TTN: variants seen among roughly 807,000 people sequenced by gnomAD.
TTN encodes connectin.
TTN carries 1,525 observed loss-of-function variants against 3,223.0 expected under a neutral mutation model. The observed-to-expected ratio is 0.47, with a 90% CI of 0.45 to 0.49. TTN has a LOEUF of 0.49. TTN is among the 20% of genes least tolerant of loss of function. The probability of loss-of-function intolerance (pLI) is 0.00; values close to 1 mark genes in which losing one functional copy is unlikely to be tolerated. For missense variants in TTN, 40,786 were observed against 43,424.0 expected (o/e 0.94, Z 5.40); for synonymous variants, 14,094 against 15,161.0 (o/e 0.93, Z 5.17).
In TTN at chr2:178,531,773, T is replaced by C. The variant is rs1313337141; in HGVS notation, c.104842A>G (p.Met34948Val). The C allele has an allele frequency of 7.4e-6, 12 of 1,614,020 alleles. No individual in the cohort carries two copies. The highest frequency in any genetic ancestry group is 1.0e-5 in the Non-Finnish European group (12 of 1,179,876). Residue 34948 changes from methionine (M) to valine (V), a missense_variant, in exon 358 of 363, where the codon ATG becomes GTG. Transcript: ENST00000589042. Reference sequence around the variant, plus strand: ...CCACATGGTACCCTGTGCGAGCGCATTCTCAGTGTGATTCGAGGGGCATGG... The same window carrying C: ...CCACATGGTACCCTGTGCGAGCGCACTCTCAGTGTGATTCGAGGGGCATGG... ...LDHAPRITLR[M>V]RSHRVPCGQN... is the part of the protein sequence containing the mutation.
intron 3 of TTN, among the ~76,000 whole-genome samples, chr2:178,800,977 T>G (rs76131138): frequency 0.011 from 1,629 of 152,336 alleles, 30 homozygotes; most frequent in African/African-American, 0.037. Context: ...TGTTATAACA[T>G]TTCTTGAGAA....
intron 356 of TTN, 168 bp from the exon 357 acceptor site, chr2:178,536,743 T>TTTTTA: frequency 3.8e-6 from 3 of 799,328 alleles, no homozygotes; most frequent in Non-Finnish European, 5.5e-6. Flanking sequence ...AAACCAAAGT[T>TTTTTA]CTATTTTTAC....
intron 356 of TTN, 42 bp downstream of exon 356, chr2:178,536,896 G>T: frequency 2.0e-6 from 3 of 1,492,036 alleles, no homozygotes; most frequent in Non-Finnish European, 2.7e-6. Context: ...TGCAAAGATG[G>T]AACTTTACCA....
chr2:178,543,131 T>A lies in TTN; in HGVS notation c.96842A>T (p.Asn32281Ile). The A allele has an allele frequency of 2.5e-6, 4 of 1,611,850 alleles. No individual in the cohort carries two copies. Among genetic ancestry groups the A allele is most frequent in the Non-Finnish European group, 3.4e-6 (4 of 1,178,256 alleles). ...TCTTGGTTCTGACACACCTTTCTCA[T>A]TTTGTGCCCTTATTCTAAATAAGTA... The part of the protein sequence containing the change: ...EQYLFRIRAQ[N>I]EKGVSEPRET... The change falls in exon 347 of 363, where the codon AAT becomes ATT. Residue 32281 changes from asparagine (N) to isoleucine (I), a missense_variant. Transcript: ENST00000589042.
In TTN at chr2:178,542,452, T is replaced by C. The variant is rs1248603103; in HGVS notation, c.97304A>G (p.Tyr32435Cys). The C allele has an allele frequency of 1.2e-6, 2 of 1,613,588 alleles. No individual in the cohort carries two copies. Among genetic ancestry groups the C allele is most frequent in the Admixed American group, 1.7e-5 (1 of 59,990 alleles). The change falls in exon 349 of 363, where the codon TAT becomes TGT. Residue 32435 changes from tyrosine (Y) to cysteine (C), a missense_variant. Transcript: ENST00000589042. ...ELDGGAPLSG[Y>C]VVEQRDAHRP... Reference sequence around the variant, plus strand: ...ATGAGCGTCACGTTGTTCTACCACATAACCACTCAGTGGAGCACCACCGTC... The same window carrying C: ...ATGAGCGTCACGTTGTTCTACCACACAACCACTCAGTGGAGCACCACCGTC...
At position 178,621,824 on chromosome 2, in the gene TTN, A is replaced by G; in HGVS notation, c.45082+16T>C. The G allele has an allele frequency of 6.2e-7, 1 of 1,611,360 alleles. No homozygotes were observed. Among genetic ancestry groups the G allele is most frequent in the East Asian group, 2.2e-5 (1 of 44,588 alleles). On this transcript the variant is annotated intron_variant, in intron 244 of 362. Coordinates refer to ENST00000589042, the MANE Select transcript of TTN (RefSeq NM_001267550.2). ...TCCCAACACATATACTTCACAAAGA[A>G]TGACTTTACTCTTACCCAGAACTGT... is the stretch of plus-strand genomic sequence containing the variant.
rs759334691 is a variant in TTN, at chr2:178,532,862, C to T, written c.103753G>A (p.Asp34585Asn). ...TTGGGTCGTTTCTGTACAACTCTGTCAAGTTTCCCAGGCATTTCATACTGA... is the reference window on the plus strand; with the variant it reads ...TTGGGTCGTTTCTGTACAACTCTGTTAAGTTTCCCAGGCATTTCATACTGA... ...RDQYEMPGKL[D>N]RVVQKRPKRI... Residue 34585 changes from aspartate (D) to asparagine (N), a missense_variant, in exon 358 of 363, where the codon GAC becomes AAC. Asp to Asn is a conservative substitution (Grantham distance 23). Coordinates refer to ENST00000589042, the MANE Select transcript of TTN (RefSeq NM_001267550.2). 2.5e-5 allele frequency: 40 copies of T among 1,613,822 alleles called. No individual in the cohort carries two copies. Among genetic ancestry groups the T allele is most frequent in the Middle Eastern group, 1.6e-4 (1 of 6,084 alleles).
chr2:178,688,862 G>C, intron 125 of TTN, 84 bp from the exon 126 acceptor site: 1 of 1,207,534 alleles, frequency 8.3e-7, no homozygotes, highest in Non-Finnish European at 1.2e-6. Flanking sequence ...GAGTTGCACA[G>C]TACACCACTT....
At position 178,675,726 on chromosome 2, in the gene TTN, T is replaced by C; in HGVS notation, c.34482A>G (p.Pro11494=). 1 of 1,433,086 alleles carries C rather than the reference T, an allele frequency of 7.0e-7. No homozygotes were observed. The highest frequency in any genetic ancestry group is 9.1e-7 in the Non-Finnish European group (1 of 1,102,644). The allele number at this position is 1,433,086 out of a possible 1,614,324, so 88.8% of individuals were successfully genotyped here. The change falls in exon 149 of 363, where the codon CCA becomes CCG. Residue 11494 remains proline (P), a synonymous_variant. Coordinates refer to ENST00000589042, the MANE Select transcript of TTN (RefSeq NM_001267550.2). ...GACCAGGAGGAGGGACCTTCTTTTC[T>C]GGCTCAGGTTTCTTAGGTACCACAG... ...KVSVVPKKPE[P]EKKVPPPGLK...
intron 47 of TTN, chr2:178,749,971 T>G (rs751908620): frequency 1.2e-6 from 2 of 1,613,274 alleles, no homozygotes; most frequent in Non-Finnish European, 1.7e-6. Context: ...ATCTGTGTTT[T>G]GGTGATTGAG....
In TTN at chr2:178,636,097, C is replaced by A. The variant is rs727504774; in HGVS notation, c.41474G>T (p.Arg13825Leu). 6.2e-7 allele frequency: 1 copy of A among 1,613,172 alleles called. No individual in the cohort carries two copies. The highest frequency in any genetic ancestry group is 8.5e-7 in the Non-Finnish European group (1 of 1,179,522). Residue 13825 changes from arginine (R) to leucine (L), a missense_variant, in exon 226 of 363, where the codon CGA becomes CTA. Transcript: ENST00000589042. The surrounding 1 kb of genome is among the most constrained non-coding windows in gnomAD (Gnocchi z 4.3). The stretch of plus-strand genomic sequence containing the variant: ...CAAGCCAATGACGCCTGGCACAATT[C>A]GGCCAGGTTTCTCCACCACAATCTT... ...DGKIVVEKPGRIVPGVIGLMR... is the reference protein window; with the variant it reads ...DGKIVVEKPGLIVPGVIGLMR...
Position 178,725,570 on chromosome 2 carries a change from T to C in TTN, c.20634A>G (p.Glu6878=). The C allele has an allele frequency of 1.2e-6, 2 of 1,612,872 alleles. No individual in the cohort carries two copies. Among genetic ancestry groups the C allele is most frequent in the Middle Eastern group, 1.7e-4 (1 of 6,044 alleles). The change falls in exon 71 of 363, where the codon GAA becomes GAG. Residue 6878 remains glutamate (E), a synonymous_variant. Coordinates refer to ENST00000589042, the MANE Select transcript of TTN (RefSeq NM_001267550.2). ...GEPAELQASI[E]GAQPIFVQWL... ...ACTGGACAAAAATAGGCTGGGCGCCTTCTATGGATGCTTGTAATTCAGCAG... is the reference window on the plus strand; with the variant it reads ...ACTGGACAAAAATAGGCTGGGCGCCCTCTATGGATGCTTGTAATTCAGCAG...
Position 178,601,100 on chromosome 2 carries a change from G to T in TTN, c.55804C>A (p.Pro18602Thr), listed in dbSNP as rs781300931. 3 of 1,601,620 alleles carry T rather than the reference G, an allele frequency of 1.9e-6. No individual in the cohort carries two copies. The highest frequency in any genetic ancestry group is 2.7e-5 in the African/African-American group (2 of 74,402). Reference sequence around the variant, plus strand: ...GGGGAGCCCCCATCATTCTTCGGGGGTTTCCATGACAGATGCACTGTGTTC... The same window carrying T: ...GGGGAGCCCCCATCATTCTTCGGGGTTTTCCATGACAGATGCACTGTGTTC... Reference protein sequence around the residue: ...TKNTVHLSWKPPKNDGGSPVT... With the variant: ...TKNTVHLSWKTPKNDGGSPVT... Residue 18602 changes from proline (P) to threonine (T), a missense_variant, in exon 288 of 363, where the codon CCC becomes ACC. Transcript: ENST00000589042.
rs775954427 is a variant in TTN, at chr2:178,641,293, T to C, written c.40581A>G (p.Glu13527=). ...TTTTAGGTTCTACTTTAGGTTCTTC[T>C]TCTTCAGGTCTTTTTCTTAGAACTT... ...LKSVLRKRPE[E]EEPKVEPKKL... is the part of the protein sequence containing the mutation. Residue 13527 remains glutamate, a synonymous_variant, in exon 220 of 363, where the codon GAA becomes GAG. Coordinates refer to ENST00000589042, the MANE Select transcript of TTN (RefSeq NM_001267550.2). The C allele has an allele frequency of 1.5e-4, 225 of 1,508,602 alleles. No homozygotes were observed. The highest frequency in any genetic ancestry group is 2.2e-4 in the Admixed American group (9 of 40,354). 93.5% of individuals were successfully genotyped at this position (1,508,602 alleles called of 1,614,324 possible). A position where few individuals can be genotyped will look rare whatever the true frequency, so the allele number is the denominator to read the frequency against.
At position 178,535,309 on chromosome 2, in the gene TTN, C is replaced by G. The variant is rs1553499045; in HGVS notation, c.101306G>C (p.Gly33769Ala). The change falls in exon 358 of 363, where the codon GGT becomes GCT. Residue 33769 changes from glycine (G) to alanine (A), a missense_variant. By Grantham distance (60) the Gly-to-Ala change is moderately conservative. Transcript: ENST00000589042. Reference sequence around the variant, plus strand: ...TGAAGGCTCTGAAGGCTTGCTCAGACCAAATTTATTTTCAGCTATTACCCG... The same window carrying G: ...TGAAGGCTCTGAAGGCTTGCTCAGAGCAAATTTATTTTCAGCTATTACCCG... ...QFRVIAENKFGLSKPSEPSEP... is the reference protein window; with the variant it reads ...QFRVIAENKFALSKPSEPSEP... 6.2e-7 allele frequency: 1 copy of G among 1,613,726 alleles called. No individual in the cohort carries two copies. Among genetic ancestry groups the G allele is most frequent in the Admixed American group, 1.7e-5 (1 of 60,000 alleles).
At position 178,756,405 on chromosome 2, in the gene TTN, C is replaced by T. The variant is rs1331719489; in HGVS notation, c.11071G>A (p.Val3691Ile). 6.2e-7 allele frequency: 1 copy of T among 1,613,798 alleles called. No individual in the cohort carries two copies. The highest frequency in any genetic ancestry group is 1.7e-5 in the Admixed American group (1 of 59,992). ...TTTGCACCTTCGTGAGTCCAGGTTA[C>T]ATCAATGAAAGAATCATCTTTTAAA... The part of the protein sequence containing the change: ...CVLKDDSFID[V>I]TWTHEGAKIE... Residue 3691 changes from valine (V) to isoleucine (I), a missense_variant, in exon 46 of 363, where the codon GTA becomes ATA. By Grantham distance (29) the Val-to-Ile change is conservative (BLOSUM62 3). Transcript: ENST00000589042.
rs2090011986 is a variant in TTN at position 178,764,527 on chromosome 2, C to T, written c.9988G>A (p.Val3330Ile). ...GCTGGAAGTAGCGAGGCATTCCTAC[C>T]TTCCACTGAGAGTGAAGCTGATGTT... Reference protein sequence around the residue: ...ATTSASLSVEVPEVVSPDQEM... With the variant: ...ATTSASLSVEIPEVVSPDQEM... The change falls in exon 42 of 363, where the codon GTT (valine) becomes ATT (isoleucine). Residue 3330 changes from valine to isoleucine, a missense_variant and splice_region_variant. Transcript: ENST00000589042. 2 of 1,614,022 alleles carry T rather than the reference C, an allele frequency of 1.2e-6. No homozygotes were observed. The highest frequency in any genetic ancestry group is 8.5e-7 in the Non-Finnish European group (1 of 1,179,964).
rs765730846 is a variant in TTN at position 178,601,186 on chromosome 2, A to C, written c.55733-15T>G. 6.6e-7 allele frequency: 1 copy of C among 1,520,970 alleles called. No homozygotes were observed. The highest frequency in any genetic ancestry group is 1.4e-5 in the African/African-American group (1 of 71,642). The allele number at this position is 1,520,970 out of a possible 1,614,324, so 94.2% of individuals were successfully genotyped here. ...ATCAGGAGGATCTGTAAAAATAATT[A>C]AAGGAAGTATTAAGCGTTGTTTATA... On this transcript the variant is annotated splice_polypyrimidine_tract_variant and intron_variant, in intron 287 of 362. Transcript: ENST00000589042.
rs1033815030 is a variant in TTN at position 178,599,695 on chromosome 2, T to C, written c.56206A>G (p.Thr18736Ala). The C allele has an allele frequency of 6.2e-7, 1 of 1,613,008 alleles. No individual in the cohort carries two copies. Among genetic ancestry groups the C allele is most frequent in the South Asian group, 1.1e-5 (1 of 91,002 alleles). ...TCTACCACCAGTTTGTTGACATGGG[T>C]GTCATAGAGAACAGGTTCTTTGTTA... ...PDNKEPVLYD[T>A]HVNKLVVDDT... is the part of the protein sequence containing the mutation. Residue 18736 changes from threonine (T) to alanine (A), a missense_variant, in exon 289 of 363, where the codon ACC becomes GCC. Transcript: ENST00000589042.
Sources: gnomAD v4.1 joint callset for allele counts (sites outside exome capture counted in the v4.1 genomes callset) on GRCh38, gnomAD v4.1.1 for gene constraint, Gnocchi (gnomAD v3.1) non-coding constraint, MANE v1.5 for transcripts, NCBI Gene and HGNC (gene_info 2026-07-23, HGNC 2026-07-21) for gene names.